The following CCZ1B variants were observed in gnomAD, a reference collection of about 807,000 sequenced individuals.
CCZ1B encodes the protein vacuolar fusion protein CCZ1 homolog B.
A neutral mutation model predicts 58.8 loss-of-function variants in CCZ1B; 25 were observed. That is an observed-to-expected ratio of 0.43 (90% CI 0.31 to 0.59). The LOEUF (loss-of-function observed/expected upper bound fraction) is 0.59. Among genes scored for constraint, CCZ1B ranks in the 20% least tolerant of loss-of-function variants. The pLI, the probability that CCZ1B is intolerant of heterozygous loss-of-function variation, is 0.12. For missense variants in CCZ1B, 180 were observed against 501.5 expected, an observed-to-expected ratio of 0.36 and a Z score of 6.12; for synonymous variants, 66 against 173.2, an observed-to-expected ratio of 0.38 and a Z score of 4.86.
intron 7 of CCZ1B, among the ~76,000 whole-genome samples, chr7:6,818,860 G>C (rs1197424633): frequency 1.3e-5 from 2 of 148,768 alleles, no homozygotes; most frequent in Non-Finnish European, 1.5e-5. Context: ...CCAGCTCTCA[G>C]GGGTCATATA....
chr7:6,800,393 G>A (rs1157430265), intron 14 of CCZ1B, among the ~76,000 whole-genome samples: 1 of 131,348 alleles, frequency 7.6e-6, no homozygotes, highest in Non-Finnish European at 1.6e-5. Context: ...GGGCAAGGTG[G>A]CTCACGCCTG....
intron 1 of CCZ1B, among the ~76,000 whole-genome samples, chr7:6,825,643 A>C (rs1342737997): frequency 9.2e-6 from 1 of 109,000 alleles, no homozygotes; most frequent in African/African-American, 3.7e-5. Context: ...CAGAAAAACC[A>C]CACACACACA....
At chr7:6,811,152 A>C (rs926592774) in intron 10 of CCZ1B, among the ~76,000 whole-genome samples, 2 of 150,834 alleles carry the variant, frequency 1.3e-5, no homozygotes, top group East Asian at 3.8e-4. Context: ...TCCCTTCCCC[A>C]CCTTTCCAGG....
intron 6 of CCZ1B, 28 bp from the exon 7 acceptor site, chr7:6,819,969 T>G (rs1783081983): frequency 6.3e-7 from 1 of 1,596,776 alleles, no homozygotes. Context: ...GGCATAAAAT[T>G]TACTAATAGT....
intron 1 of CCZ1B, among the ~76,000 whole-genome samples, chr7:6,825,486 G>A (rs1783180922): frequency 7.4e-6 from 1 of 135,332 alleles, no homozygotes; most frequent in Non-Finnish European, 1.6e-5. Flanking sequence ...CTGGCCTCAA[G>A]CAATCCTCCC....
Position 6,822,366 on chromosome 7 carries a change from T to C in CCZ1B, c.439-2A>G, listed in dbSNP as rs1373743055. On this transcript the variant is annotated splice_acceptor_variant, in intron 5 of 14. Coordinates refer to ENST00000316731, the MANE Select transcript of CCZ1B (RefSeq NM_198097.5). LOFTEE classifies it high-confidence loss of function. Reference sequence around the variant, plus strand: ...TTTCAGAAATGTACCATTAAAAAGCTAGTGAGGTAAAAGATTGCAGAAAAA... The same window carrying C: ...TTTCAGAAATGTACCATTAAAAAGCCAGTGAGGTAAAAGATTGCAGAAAAA... 1.9e-6 allele frequency: 3 copies of C among 1,590,836 alleles called. No individual in the cohort carries two copies. The highest frequency in any genetic ancestry group is 2.6e-6 in the Non-Finnish European group (3 of 1,173,694).
Position 6,820,468 on chromosome 7 carries a change from C to A in CCZ1B, c.523-527G>T, listed in dbSNP as rs1171720459. Reference sequence around the variant, plus strand: ...CTGGGATTAGAGGTGTGAGCCACCACGCCTGGCCAAAAATTTTTTTTTTTT... The same window carrying A: ...CTGGGATTAGAGGTGTGAGCCACCAAGCCTGGCCAAAAATTTTTTTTTTTT... On this transcript the variant is annotated intron_variant, in intron 6 of 14. Coordinates refer to ENST00000316731, the MANE Select transcript of CCZ1B (RefSeq NM_198097.5). Among the ~76,000 whole-genome samples, 2 of 148,994 alleles carry A rather than the reference C, an allele frequency of 1.3e-5. 1 individual carries two copies. The highest frequency in any genetic ancestry group is 1.3e-4 in the Admixed American group (2 of 14,950).
chr7:6,804,162 C>T (rs1407480557), intron 12 of CCZ1B, among the ~76,000 whole-genome samples: 1 of 148,052 alleles, frequency 6.8e-6, no homozygotes, highest in African/African-American at 2.5e-5. Flanking sequence ...CGGTAGCTCA[C>T]ACCTGTAATC....
At chr7:6,821,097 C>T (rs1198404061) in intron 6 of CCZ1B, among the ~76,000 whole-genome samples, 26 of 146,590 alleles carry the variant, frequency 1.8e-4, no homozygotes, top group Non-Finnish European at 3.0e-5. Context: ...CAACCTCTGC[C>T]TCTGGGGTTC....
At chr7:6,823,515 C>CTTT (rs897480782) in intron 4 of CCZ1B, among the ~76,000 whole-genome samples, 155 bp from the exon 5 acceptor site, 1,197 of 104,844 alleles carry the variant, frequency 0.011, 97 homozygotes, top group African/African-American at 0.043. Flanking sequence ...TGTTTGCGTT[C>CTTT]TTTTTTTTTT....
chr7:6,816,634 G>A (rs534633267), intron 7 of CCZ1B, among the ~76,000 whole-genome samples: 5 of 150,870 alleles, frequency 3.3e-5, no homozygotes, highest in African/African-American at 7.4e-5. Context: ...TGGCTCAAGC[G>A]ATCCTTCTGC....
At chr7:6,817,442 G>A (rs1159206782) in intron 7 of CCZ1B, among the ~76,000 whole-genome samples, 1 of 150,194 alleles carries the variant, frequency 6.7e-6, no homozygotes, top group African/African-American at 2.5e-5. Context: ...CTTTTTGGTG[G>A]AAGCAAGGCC....
chr7:6,815,844 C>CT, intron 7 of CCZ1B, among the ~76,000 whole-genome samples: 1 of 148,162 alleles, frequency 6.7e-6, no homozygotes, highest in South Asian at 2.1e-4. Context: ...CACACTGTTT[C>CT]ATTTTAGGAG....
chr7:6,816,161 C>T lies in CCZ1B; in HGVS notation c.699-1316G>A, dbSNP rs557349046. On this transcript the variant is annotated intron_variant, in intron 7 of 14. Coordinates refer to ENST00000316731, the MANE Select transcript of CCZ1B (RefSeq NM_198097.5). ...GACAGACAATGAGGCTGGATCTGGG[C>T]GTTTTCTATTCAAGATCACTGAAAT... 3.2e-4 allele frequency among the ~76,000 whole-genome samples: 47 copies of T among 147,930 alleles called. 4 individuals are homozygous for T. Among genetic ancestry groups the T allele is most frequent in the Admixed American group, 2.1e-3 (31 of 14,830 alleles).
intron 6 of CCZ1B, among the ~76,000 whole-genome samples, 171 bp from the exon 7 acceptor site, chr7:6,820,112 A>C (rs1783084835): frequency 7.0e-6 from 1 of 142,700 alleles, no homozygotes; most frequent in African/African-American, 2.7e-5. Context: ...GTGTCAACTC[A>C]GTACCAATTC....
Position 6,814,119 on chromosome 7 carries a change from C to T in CCZ1B, c.780+645G>A, listed in dbSNP as rs1282496505. ...TGAGATTAAACCACTGCACTCCAGC[C>T]TGGGCGAAAAGAACGAAACTCTGTC... On this transcript the variant is annotated intron_variant, in intron 8 of 14. Transcript: ENST00000316731. 4.7e-5 allele frequency among the ~76,000 whole-genome samples: 7 copies of T among 148,740 alleles called. No individual in the cohort carries two copies. In the East Asian group the frequency reaches 1.4e-3, roughly 29 times the overall value.
chr7:6,824,971 T>C (rs1783171943), intron 1 of CCZ1B, among the ~76,000 whole-genome samples: 1 of 149,374 alleles, frequency 6.7e-6, no homozygotes, highest in Non-Finnish European at 1.5e-5. Context: ...GAGACGTCTC[T>C]ATTATTTAAA....
At chr7:6,822,185 G>A in intron 6 of CCZ1B, 96 bp downstream of exon 6, 3 of 1,516,370 alleles carry the variant, frequency 2.0e-6, no homozygotes, top group Non-Finnish European at 2.6e-6. Context: ...CAAGTTCTGG[G>A]TTTTTTGTAG....
At chr7:6,817,177 T>TG (rs1783018190) in intron 7 of CCZ1B, among the ~76,000 whole-genome samples, 2 of 152,082 alleles carry the variant, frequency 1.3e-5, no homozygotes, top group African/African-American at 4.8e-5. Context: ...ACCAGAGCTG[T>TG]GCCCTGCTCA....
Sources: gnomAD v4.1 joint callset for allele counts (sites outside exome capture counted in the v4.1 genomes callset) on GRCh38, gnomAD v4.1.1 for gene constraint, MANE v1.5 for transcripts, NCBI Gene and HGNC (gene_info 2026-07-23, HGNC 2026-07-21) for gene names.